The following CACUL1 variants were observed in gnomAD, a reference collection of about 807,000 sequenced individuals.
CACUL1 encodes CDK2 associated cullin domain 1, also known as CDK2-associated and cullin domain-containing protein 1.
Under a neutral mutation model 45.2 loss-of-function variants are expected in CACUL1, and 13 were observed. That is an observed-to-expected ratio of 0.29 (90% CI 0.19 to 0.46). CACUL1 has a LOEUF of 0.46. Ranked by LOEUF, CACUL1 falls within the 20% of genes least tolerant of loss-of-function variation. The pLI is 1.00. For missense variants in CACUL1, 421 were observed against 471.4 expected, an observed-to-expected ratio of 0.89 and a Z score of 0.99; for synonymous variants, 197 against 174.2, an observed-to-expected ratio of 1.13 and a Z score of -1.03.
intron 2 of CACUL1, among the ~76,000 whole-genome samples, chr10:118,730,019 A>G (rs1353707055): frequency 6.6e-6 from 1 of 152,232 alleles, no homozygotes; most frequent in Non-Finnish European, 1.5e-5. Context: ...CAGATACTTC[A>G]GTCATTCTTG....
At chr10:118,742,556 C>CAG (rs1756274902) in intron 1 of CACUL1, among the ~76,000 whole-genome samples, 1 of 152,150 alleles carries the variant, frequency 6.6e-6, no homozygotes, top group African/African-American at 2.4e-5. Flanking sequence ...CGGCCGGGAA[C>CAG]AGAGGCTCAC....
chr10:118,701,253 A>G, intron 5 of CACUL1, 53 bp downstream of exon 5: 1 of 1,041,830 alleles, frequency 9.6e-7, no homozygotes, highest in Non-Finnish European at 1.4e-6. Flanking sequence ...AAAAAAAGAA[A>G]AAGGAAAGAT....
intron 7 of CACUL1, among the ~76,000 whole-genome samples, chr10:118,689,023 T>C (rs1211831283): frequency 6.6e-6 from 1 of 152,204 alleles, no homozygotes; most frequent in Non-Finnish European, 1.5e-5. Flanking sequence ...CCCATAACAA[T>C]GAACAGGAAT....
At chr10:118,699,193 G>A (rs985502892) in intron 5 of CACUL1, among the ~76,000 whole-genome samples, 1 of 152,116 alleles carries the variant, frequency 6.6e-6, no homozygotes, top group South Asian at 2.1e-4. Context: ...TTGTTCTGAA[G>A]CCCAAACCAA....
At position 118,754,417 on chromosome 10, in the gene CACUL1, T is replaced by C. The variant is rs772777213; in HGVS notation, c.346A>G (p.Asn116Asp). The C allele has an allele frequency of 1.3e-6, 2 of 1,585,692 alleles. No individual in the cohort carries two copies. Among genetic ancestry groups the C allele is most frequent in the Non-Finnish European group, 1.7e-6 (2 of 1,167,602 alleles). The part of the protein sequence containing the change: ...APTASSTINI[N>D]TSTSKFLMNV... Reference sequence around the variant, plus strand: ...TCACAGAACTTGGAGGTGGAGGTGTTGATGTTGATGGTGGAGCTGGCGGTG... The same window carrying C: ...TCACAGAACTTGGAGGTGGAGGTGTCGATGTTGATGGTGGAGCTGGCGGTG... The change falls in exon 1 of 9, where the codon AAC (asparagine) becomes GAC (aspartate). Residue 116 changes from asparagine (N) to aspartate (D), a missense_variant. Coordinates refer to ENST00000369151, the MANE Select transcript of CACUL1 (RefSeq NM_153810.5).
rs1197871712 is a variant in CACUL1 at position 118,681,427 on chromosome 10, T to A, written c.*4701A>T. ...ACTAATGAGAGTGAACTGCCATCTG[T>A]TTAACAAAACGCACTCTTCTAAGAG... On this transcript the variant is annotated 3_prime_UTR_variant, in exon 9 of 9. Transcript: ENST00000369151. 1 of 152,236 alleles carries A rather than the reference T, an allele frequency of 6.6e-6. No homozygotes were observed. The allele number at this position is 152,236 out of a possible 1,614,324, so 9.4% of individuals were successfully genotyped here.
At chr10:118,694,115 C>T (rs1482114997) in intron 6 of CACUL1, among the ~76,000 whole-genome samples, 5 of 152,140 alleles carry the variant, frequency 3.3e-5, no homozygotes, top group Admixed American at 6.5e-5. Context: ...CTGCCCGCCT[C>T]GGCCTCCCAA....
chr10:118,691,420 C>G lies in CACUL1; in HGVS notation c.887-17G>C. 1 of 1,602,332 alleles carries G rather than the reference C, an allele frequency of 6.2e-7. No individual in the cohort carries two copies. Among genetic ancestry groups the G allele is most frequent in the Non-Finnish European group, 8.5e-7 (1 of 1,172,034 alleles). On this transcript the variant is annotated splice_polypyrimidine_tract_variant and intron_variant, in intron 6 of 8. Transcript: ENST00000369151. Reference sequence around the variant, plus strand: ...GAACCCACTCTGTGAGGAAAGGAAACAATTCATTAAGGAAATCATATAAAC... The same window carrying G: ...GAACCCACTCTGTGAGGAAAGGAAAGAATTCATTAAGGAAATCATATAAAC...
chr10:118,715,205 A>C (rs1218006333), intron 3 of CACUL1, among the ~76,000 whole-genome samples: 1 of 152,140 alleles, frequency 6.6e-6, no homozygotes, highest in Non-Finnish European at 1.5e-5. Context: ...TACCACTAAA[A>C]ATATATATAT....
chr10:118,723,910 G>GC (rs201625973), intron 3 of CACUL1, among the ~76,000 whole-genome samples: 7,114 of 151,990 alleles, frequency 0.047, 191 homozygotes, highest in Middle Eastern at 0.054. Flanking sequence ...GATTATAGGC[G>GC]CCCACCACCA....
At chr10:118,711,669 T>C (rs1481068021) in intron 3 of CACUL1, among the ~76,000 whole-genome samples, 1 of 152,244 alleles carries the variant, frequency 6.6e-6, no homozygotes, top group Non-Finnish European at 1.5e-5. Flanking sequence ...AAAGTACATT[T>C]ACAGCAGACA....
intron 3 of CACUL1, among the ~76,000 whole-genome samples, chr10:118,723,812 G>A (rs1845624614): frequency 6.6e-6 from 1 of 152,010 alleles, no homozygotes; most frequent in East Asian, 1.9e-4. Context: ...ATCTCGCTCT[G>A]TCGCTCAGGC....
intron 7 of CACUL1, among the ~76,000 whole-genome samples, chr10:118,688,391 CAG>C (rs1424604123): frequency 6.6e-6 from 1 of 152,188 alleles, no homozygotes. Flanking sequence ...AAAAGGAAGA[CAG>C]AATTTTATAT....
chr10:118,730,114 G>C (rs1192025459), intron 2 of CACUL1, among the ~76,000 whole-genome samples, 170 bp downstream of exon 2: 3 of 152,078 alleles, frequency 2.0e-5, no homozygotes, highest in African/African-American at 7.2e-5. Flanking sequence ...AACCACTTTT[G>C]AATCAAAAAG....
intron 3 of CACUL1, among the ~76,000 whole-genome samples, chr10:118,715,133 T>G (rs922375906): frequency 2.0e-5 from 3 of 152,220 alleles, no homozygotes; most frequent in Non-Finnish European, 4.4e-5. Context: ...GATAATAGTC[T>G]TATGCATAAT....
chr10:118,737,532 C>G (rs1845751398), intron 1 of CACUL1, among the ~76,000 whole-genome samples: 1 of 152,176 alleles, frequency 6.6e-6, no homozygotes, highest in African/African-American at 2.4e-5. Flanking sequence ...ATAAAACCTC[C>G]TTTGCCTTGC....
At chr10:118,754,323 T>A in intron 1 of CACUL1, 73 bp downstream of exon 1, 1 of 1,432,706 alleles carries the variant, frequency 7.0e-7, no homozygotes, top group Admixed American at 2.9e-5. Flanking sequence ...CGGAGCTTTC[T>A]CCAAGAGGGG....
chr10:118,728,259 G>C (rs140057390), intron 3 of CACUL1, among the ~76,000 whole-genome samples: 168 of 152,064 alleles, frequency 1.1e-3, no homozygotes, highest in Non-Finnish European at 2.1e-3. Flanking sequence ...TTTCAAAACT[G>C]CTGGGGTGCT....
chr10:118,726,249 C>CA (rs1205872575), intron 3 of CACUL1: 7 of 1,119,972 alleles, frequency 6.3e-6, no homozygotes, highest in Non-Finnish European at 8.4e-6. Context: ...CCACACACAT[C>CA]ACACTGAACA....
Sources: allele counts gnomAD v4.1 joint callset (sites outside exome capture counted in the v4.1 genomes callset), GRCh38; gene constraint gnomAD v4.1.1; transcripts MANE v1.5; gene names NCBI Gene and HGNC (gene_info 2026-07-23, HGNC 2026-07-21).